The following YPEL1 variants were observed in gnomAD, a reference collection of about 807,000 sequenced individuals.
The protein encoded by YPEL1 is protein yippee-like 1.
Under a neutral mutation model 17.3 loss-of-function variants are expected in YPEL1, and 7 were observed. The ratio of observed to expected loss-of-function variants is 0.40; its 90% CI spans 0.23 to 0.76. YPEL1 has a LOEUF of 0.76. Among genes scored for constraint, YPEL1 ranks in the 30% least tolerant of loss-of-function variants. The pLI is 0.35. For missense variants in YPEL1, 91 were observed against 155.5 expected, an observed-to-expected ratio of 0.59 and a Z score of 2.21; for synonymous variants, 59 against 59.6, an observed-to-expected ratio of 0.99 and a Z score of 0.05.
At chr22:21,701,730 G>A (rs1569057139) in intron 4 of YPEL1, among the ~76,000 whole-genome samples, 1 of 152,258 alleles carries the variant, frequency 6.6e-6, no homozygotes, top group Admixed American at 6.5e-5. Context: ...TAACTAGCGT[G>A]AAGGCAAATA....
chr22:21,722,087 A>G (rs530765435), intron 1 of YPEL1, among the ~76,000 whole-genome samples: 4 of 152,320 alleles, frequency 2.6e-5, no homozygotes, highest in African/African-American at 9.6e-5. Flanking sequence ...TAGTCCATAA[A>G]GAGAACATGG....
At chr22:21,716,011 C>T (rs749514701) in intron 1 of YPEL1, among the ~76,000 whole-genome samples, 17 of 152,166 alleles carry the variant, frequency 1.1e-4, no homozygotes, top group Non-Finnish European at 2.1e-4. Context: ...ATCCACCTGC[C>T]TTGGCCTCCC....
intron 1 of YPEL1, among the ~76,000 whole-genome samples, chr22:21,727,923 G>A (rs2068350885): frequency 6.6e-6 from 1 of 152,200 alleles, no homozygotes; most frequent in Non-Finnish European, 1.5e-5. Context: ...AGATGGAAAG[G>A]AGGCCTCAGG....
chr22:21,712,633 G>A (rs553164320), intron 1 of YPEL1, among the ~76,000 whole-genome samples: 5 of 150,836 alleles, frequency 3.3e-5, no homozygotes, highest in Admixed American at 6.6e-5. Flanking sequence ...GGCCGAGGCA[G>A]CAGAATTGCT....
chr22:21,724,044 C>T (rs1230106944), intron 1 of YPEL1, among the ~76,000 whole-genome samples: 1 of 151,974 alleles, frequency 6.6e-6, no homozygotes, highest in African/African-American at 2.4e-5. Flanking sequence ...CTGTACGTAC[C>T]ATGTATGTCT....
intron 1 of YPEL1, among the ~76,000 whole-genome samples, chr22:21,733,912 A>G (rs940910946): frequency 6.6e-6 from 1 of 152,182 alleles, no homozygotes; most frequent in African/African-American, 2.4e-5. Flanking sequence ...ACTGCTCTCA[A>G]CCTAAAGAAA....
At chr22:21,724,808 T>C (rs1287524964) in intron 1 of YPEL1, among the ~76,000 whole-genome samples, 4 of 152,096 alleles carry the variant, frequency 2.6e-5, no homozygotes, top group Non-Finnish European at 5.9e-5. Context: ...CTCAAACTCC[T>C]GGCTCGGGCC....
intron 1 of YPEL1, among the ~76,000 whole-genome samples, chr22:21,735,146 T>A (rs570073303): frequency 6.6e-6 from 1 of 152,288 alleles, no homozygotes; most frequent in South Asian, 2.1e-4. Flanking sequence ...ATGCCACAAG[T>A]GGTAAATACC....
intron 1 of YPEL1, among the ~76,000 whole-genome samples, chr22:21,717,369 T>C (rs753254779): frequency 2.2e-5 from 3 of 137,050 alleles, no homozygotes. Flanking sequence ...AGAGCAATAG[T>C]CCGTCTCAAA....
intron 1 of YPEL1, among the ~76,000 whole-genome samples, chr22:21,716,767 A>G (rs374015978): frequency 5.8e-4 from 88 of 152,390 alleles, no homozygotes; most frequent in African/African-American, 1.5e-3. Flanking sequence ...ACACATTCAC[A>G]GAAACAATGC....
At position 21,703,709 on chromosome 22, in the gene YPEL1, G is replaced by GGGT. The variant is rs1049369911; in HGVS notation, c.161+129_161+130insACC. Reference sequence around the variant, plus strand: ...TCCTTAGCGCGTTTCAGAAACTCCCGGCGGGGGGATGGTGGGTTCTTTCAG... The same window carrying GGGT: ...TCCTTAGCGCGTTTCAGAAACTCCCGGGTGCGGGGGGATGGTGGGTTCTTTCAG... On this transcript the variant is annotated intron_variant, in intron 3 of 4. Coordinates refer to ENST00000339468, the MANE Select transcript of YPEL1 (RefSeq NM_013313.5). The surrounding 1 kb of genome is among the most constrained non-coding windows in gnomAD (Gnocchi z 6.1). 5.3e-6 allele frequency: 5 copies of GGGT among 947,884 alleles called. No individual in the cohort carries two copies. Among genetic ancestry groups the GGGT allele is most frequent in the Admixed American group, 3.6e-5 (1 of 27,894 alleles). The allele number at this position is 947,884 out of a possible 1,614,324, so 58.7% of individuals were successfully genotyped here. A position where few individuals can be genotyped will look rare whatever the true frequency, so the allele number is the denominator to read the frequency against.
rs915903334 is a variant in YPEL1 at position 21,719,854 on chromosome 22, G to A, written c.-164-8946C>T. On this transcript the variant is annotated intron_variant, in intron 1 of 4. Transcript: ENST00000339468. Reference sequence around the variant, plus strand: ...CAGCCTGGCCAAGATGGTGAAACCCGTCTCTACTAAAAATACAAAAATTAC... The same window carrying A: ...CAGCCTGGCCAAGATGGTGAAACCCATCTCTACTAAAAATACAAAAATTAC... Among the ~76,000 whole-genome samples the A allele has an allele frequency of 4.6e-5, 7 of 152,034 alleles. No homozygotes were observed. The East Asian group carries it at 7.7e-4, about 17-fold the overall frequency.
Position 21,701,174 on chromosome 22 carries a change from G to GA in YPEL1, c.314dup (p.Ile106HisfsTer3). ...TGATCATATGAGCAAGCTCAATGAT[G>GA]AATTTTCCTTCCTTATATTTCTGAC... is the stretch of plus-strand genomic sequence containing the variant. On this transcript the variant is annotated frameshift_variant, in exon 5 of 5. Coordinates refer to ENST00000339468, the MANE Select transcript of YPEL1 (RefSeq NM_013313.5). LOFTEE classifies it high-confidence loss of function. 6.2e-7 allele frequency: 1 copy of GA among 1,613,972 alleles called. No homozygotes were observed. The highest frequency in any genetic ancestry group is 8.5e-7 in the Non-Finnish European group (1 of 1,179,916).
At chr22:21,727,973 A>G (rs375171477) in intron 1 of YPEL1, among the ~76,000 whole-genome samples, 1 of 152,168 alleles carries the variant, frequency 6.6e-6, no homozygotes, top group East Asian at 1.9e-4. Flanking sequence ...GAGGCTGCAA[A>G]GCTGGAGGAG....
chr22:21,722,073 A>C (rs1389514582), intron 1 of YPEL1, among the ~76,000 whole-genome samples: 3 of 152,208 alleles, frequency 2.0e-5, no homozygotes, highest in Non-Finnish European at 2.9e-5. Context: ...TTAAGGCTAA[A>C]TAGTAGTCCA....
intron 1 of YPEL1, among the ~76,000 whole-genome samples, chr22:21,720,350 C>T (rs1469235011): frequency 6.6e-6 from 1 of 150,862 alleles, no homozygotes; most frequent in Admixed American, 6.6e-5. Flanking sequence ...CACTACAGGC[C>T]CATGCCACCA....
At chr22:21,720,583 T>C (rs1264620932) in intron 1 of YPEL1, among the ~76,000 whole-genome samples, 1 of 152,044 alleles carries the variant, frequency 6.6e-6, no homozygotes, top group Non-Finnish European at 1.5e-5. Context: ...CTCCACCTCC[T>C]GGGTTCAAGC....
chr22:21,703,734 G>T lies in YPEL1; in HGVS notation c.161+105C>A. On this transcript the variant is annotated intron_variant, in intron 3 of 4. Transcript: ENST00000339468. This position sits in a 1 kb window ranked among gnomAD's most constrained non-coding sequence, Gnocchi z 6.1. ...GGCGGGGGGATGGTGGGTTCTTTCA[G>T]GACCCCTAAAGACCCAGGTGATTCT... 2 of 1,297,294 alleles carry T rather than the reference G, an allele frequency of 1.5e-6. No individual in the cohort carries two copies. Among genetic ancestry groups the T allele is most frequent in the Non-Finnish European group, 2.1e-6 (2 of 938,686 alleles). The allele number at this position is 1,297,294 out of a possible 1,614,324, so 80.4% of individuals were successfully genotyped here.
At chr22:21,713,758 G>T (rs2068194412) in intron 1 of YPEL1, among the ~76,000 whole-genome samples, 1 of 152,164 alleles carries the variant, frequency 6.6e-6, no homozygotes, top group South Asian at 2.1e-4. Context: ...TTATTTTAAA[G>T]AAGAGTGTAT....
Sources: gnomAD v4.1 joint callset for allele counts (sites outside exome capture counted in the v4.1 genomes callset) on GRCh38, gnomAD v4.1.1 for gene constraint, Gnocchi (gnomAD v3.1) non-coding constraint, MANE v1.5 for transcripts, NCBI Gene and HGNC (gene_info 2026-07-23, HGNC 2026-07-21) for gene names.